Variants in SBSPON observed in about 807,000 individuals in gnomAD.
The protein encoded by SBSPON is somatomedin B and thrombospondin type 1 domain containing.
SBSPON carries 30 observed loss-of-function variants against 35.8 expected under a neutral mutation model. The observed-to-expected ratio is 0.84, with a 90% confidence interval of 0.63 to 1.14. SBSPON has a LOEUF of 1.14. SBSPON is among the 50% of genes most tolerant of loss of function. SBSPON has a pLI of 0.00. For synonymous variants in SBSPON, 136 were observed against 135.9 expected (o/e 1.00, Z 0.00); for missense variants, 364 against 357.7 (o/e 1.02, Z -0.14).
At chr8:73,092,788 G>C (rs1586103982) in intron 1 of SBSPON, 66 bp downstream of exon 1, 6 of 1,308,368 alleles carry the variant, frequency 4.6e-6, no homozygotes, top group East Asian at 4.9e-5. Context: ...TTGGCACAGC[G>C]CCCTGCCCTG....
chr8:73,074,205 A>G (rs1810549310), intron 2 of SBSPON, among the ~76,000 whole-genome samples: 1 of 152,210 alleles, frequency 6.6e-6, no homozygotes, highest in South Asian at 2.1e-4. Flanking sequence ...TATTTATGTA[A>G]TCAAATTTGT....
chr8:73,068,433 A>C (rs1342825609), intron 4 of SBSPON, among the ~76,000 whole-genome samples: 1 of 152,194 alleles, frequency 6.6e-6, no homozygotes, highest in Admixed American at 6.5e-5. Context: ...TTTACCTTTT[A>C]ATCTGTATTT....
chr8:73,069,744 A>G, intron 4 of SBSPON, 61 bp downstream of exon 4: 1 of 1,377,322 alleles, frequency 7.3e-7, no homozygotes, highest in South Asian at 1.2e-5. Flanking sequence ...CTGGACATGG[A>G]GAGGACAGAT....
At chr8:73,070,142 C>T (rs962510136) in intron 3 of SBSPON, among the ~76,000 whole-genome samples, 161 bp from the exon 4 acceptor site, 2 of 152,206 alleles carry the variant, frequency 1.3e-5, no homozygotes, top group African/African-American at 2.4e-5. Flanking sequence ...TAAGGTTTCT[C>T]ATTCCCTGAA....
intron 2 of SBSPON, among the ~76,000 whole-genome samples, chr8:73,072,551 C>T (rs1810515138): frequency 6.6e-6 from 1 of 152,162 alleles, no homozygotes; most frequent in Non-Finnish European, 1.5e-5. Flanking sequence ...TGCCTGTAAT[C>T]CCAGCTACTC....
chr8:73,069,969 C>A lies in SBSPON; in HGVS notation c.513G>T (p.Glu171Asp). Residue 171 changes from glutamate (E) to aspartate (D), a missense_variant, in exon 4 of 5, where the codon GAG (glutamate) becomes GAT (aspartate). Glu to Asp is a conservative substitution (Grantham distance 45). Coordinates refer to ENST00000297354, the MANE Select transcript of SBSPON (RefSeq NM_153225.4). ...THTEDAGYCM[E>D]FKTESLTPHC... ...GAGGAGTCAAGGACTCTGTCTTAAA[C>A]TCCATACAGTATCTACAGCAAAAGA... 6.3e-7 allele frequency: 1 copy of A among 1,587,710 alleles called. No homozygotes were observed. The highest frequency in any genetic ancestry group is 8.6e-7 in the Non-Finnish European group (1 of 1,165,584).
chr8:73,070,034 G>A, intron 3 of SBSPON, 53 bp from the exon 4 acceptor site: 1 of 1,213,434 alleles, frequency 8.2e-7, no homozygotes, highest in African/African-American at 1.5e-5. Context: ...GTGGCCTAAA[G>A]CTGTAGAAAG....
chr8:73,070,358 T>C (rs946789250), intron 3 of SBSPON, among the ~76,000 whole-genome samples: 1 of 152,154 alleles, frequency 6.6e-6, no homozygotes, highest in Non-Finnish European at 1.5e-5. Flanking sequence ...TTCTATAAAT[T>C]GAACAAGCAC....
chr8:73,092,776 C>A (rs1810960099), intron 1 of SBSPON, 78 bp downstream of exon 1: 2 of 1,154,934 alleles, frequency 1.7e-6, no homozygotes, highest in Non-Finnish European at 2.5e-6. Context: ...GGACTGAGGT[C>A]CTTGGCACAG....
chr8:73,092,296 G>C (rs1336197348), intron 1 of SBSPON, among the ~76,000 whole-genome samples: 1 of 152,162 alleles, frequency 6.6e-6, no homozygotes, highest in African/African-American at 2.4e-5. Flanking sequence ...TCTACATTTT[G>C]GGGTCCAGAG....
intron 2 of SBSPON, among the ~76,000 whole-genome samples, chr8:73,080,161 A>G (rs144706006): frequency 1.8e-3 from 281 of 152,270 alleles, no homozygotes; most frequent in African/African-American, 6.5e-3. Context: ...GATCTTTTCA[A>G]ATTACATTAG....
At position 73,065,733 on chromosome 8, in the gene SBSPON, G is replaced by T. The variant is rs780245979; in HGVS notation, c.*1608C>A. ...GGCGGAGCTTGCAGTGAGCCGAGAT[G>T]GGGCCACTGCACTCCAGCCTGGGCA... On this transcript the variant is annotated 3_prime_UTR_variant, in exon 5 of 5. Coordinates refer to ENST00000297354, the MANE Select transcript of SBSPON (RefSeq NM_153225.4). The T allele has an allele frequency of 3.3e-5, 5 of 152,074 alleles. No homozygotes were observed. Among genetic ancestry groups the T allele is most frequent in the Non-Finnish European group, 7.4e-5 (5 of 68,016 alleles). The allele number at this position is 152,074 out of a possible 1,614,324, so 9.4% of individuals were successfully genotyped here.
intron 1 of SBSPON, among the ~76,000 whole-genome samples, chr8:73,090,419 T>C (rs1810908582): frequency 6.6e-6 from 1 of 152,380 alleles, no homozygotes; most frequent in Middle Eastern, 3.4e-3. Flanking sequence ...AGCTTCCAGC[T>C]GCCAGGTCAG....
chr8:73,079,656 C>T (rs866804853), intron 2 of SBSPON, among the ~76,000 whole-genome samples: 3 of 152,140 alleles, frequency 2.0e-5, no homozygotes, highest in Non-Finnish European at 2.9e-5. Flanking sequence ...CTCCTTCTCC[C>T]CCAAGACCGA....
In SBSPON at chr8:73,065,329, C is replaced by CTA. The variant is rs1382444243; in HGVS notation, c.*2010_*2011dup. On this transcript the variant is annotated 3_prime_UTR_variant, in exon 5 of 5. Coordinates refer to ENST00000297354, the MANE Select transcript of SBSPON (RefSeq NM_153225.4). ...TTATTGCTATTAGTAGTTGTTGTAC[C>CTA]TATACCTATCAGTTCTGAAGGATTT... 6.6e-6 allele frequency: 1 copy of CTA among 152,120 alleles called. No individual in the cohort carries two copies. The highest frequency in any genetic ancestry group is 6.5e-5 in the Admixed American group (1 of 15,272). The allele number at this position is 152,120 out of a possible 1,614,324, so 9.4% of individuals were successfully genotyped here.
In SBSPON at chr8:73,065,019, T is replaced by C. The variant is rs1006173174; in HGVS notation, c.*2322A>G. 6.6e-6 allele frequency: 1 copy of C among 152,214 alleles called. No individual in the cohort carries two copies. The allele number at this position is 152,214 out of a possible 1,614,324, so 9.4% of individuals were successfully genotyped here. The stretch of plus-strand genomic sequence containing the variant: ...TTTTTAAATTTGAAAATAAAAACTT[T>C]TGGTTTTTCATTCATCACTTGGACT... On this transcript the variant is annotated 3_prime_UTR_variant, in exon 5 of 5. Transcript: ENST00000297354.
Position 73,092,915 on chromosome 8 carries a change from G to A in SBSPON, c.153C>T (p.Phe51=), listed in dbSNP as rs1485538894. The change falls in exon 1 of 5, where the codon TTC becomes TTT. Residue 51 remains phenylalanine, a synonymous_variant. Coordinates refer to ENST00000297354, the MANE Select transcript of SBSPON (RefSeq NM_153225.4). ...WRLDRVYGTC[F]CDQACRFTGD... ...CGGTGAAGCGACAGGCTTGGTCGCA[G>A]AAACACGTCCCGTAGACCCTGTCCA... 6.2e-7 allele frequency: 1 copy of A among 1,611,734 alleles called. No individual in the cohort carries two copies. Among genetic ancestry groups the A allele is most frequent in the African/African-American group, 1.3e-5 (1 of 74,894 alleles).
intron 2 of SBSPON, among the ~76,000 whole-genome samples, chr8:73,073,411 T>C (rs1810534314): frequency 6.6e-6 from 1 of 152,260 alleles, no homozygotes; most frequent in Non-Finnish European, 1.5e-5. Flanking sequence ...GCTTGAAGCC[T>C]ACATGTTGAT....
intron 1 of SBSPON, among the ~76,000 whole-genome samples, chr8:73,092,068 A>G (rs1013234037): frequency 6.6e-6 from 1 of 152,180 alleles, no homozygotes; most frequent in Non-Finnish European, 1.5e-5. Flanking sequence ...TTGTTCCTTT[A>G]TCTTTTAATT....
Sources: allele counts gnomAD v4.1 joint callset (sites outside exome capture counted in the v4.1 genomes callset), GRCh38; gene constraint gnomAD v4.1.1; transcripts MANE v1.5; gene names NCBI Gene and HGNC (gene_info 2026-07-23, HGNC 2026-07-21).